The following ERI1 variants were observed in gnomAD, a reference collection of about 807,000 sequenced individuals.
ERI1 encodes exoribonuclease 1.
Under a neutral mutation model 39.7 loss-of-function variants are expected in ERI1, and 39 were observed. That is an observed-to-expected ratio of 0.98 (90% CI 0.76 to 1.28). The LOEUF (loss-of-function observed/expected upper bound fraction) is 1.28. ERI1 is among the 50% of genes most tolerant of loss of function. The pLI, the probability that ERI1 is intolerant of heterozygous loss-of-function variation, is 0.00. For synonymous variants in ERI1, 204 were observed against 149.6 expected (o/e 1.36, Z -2.65); for missense variants, 581 against 416.9 (o/e 1.39, Z -3.43).
rs116360076 is a variant in ERI1 at position 9,087,656 on chromosome 8, T to G, written n.300-28692T>G. Among the ~76,000 whole-genome samples, 994 of 152,290 alleles carry G rather than the reference T, an allele frequency of 6.5e-3. 12 individuals are homozygous for G. Among genetic ancestry groups the G allele is most frequent in the African/African-American group, 0.023 (945 of 41,548 alleles). On this transcript the variant is annotated intron_variant and non_coding_transcript_variant, in intron 3 of 3. Transcript: ENST00000518663. ...AATGCACACGCAGATACAGACATCTTAGTTTGGAGATGTAGCAACACATTT... is the reference window on the plus strand; with the variant it reads ...AATGCACACGCAGATACAGACATCTGAGTTTGGAGATGTAGCAACACATTT...
At chr8:9,081,464 T>C (rs1339031363) in intron 3 of ERI1, among the ~76,000 whole-genome samples, 1 of 152,174 alleles carries the variant, frequency 6.6e-6, no homozygotes, top group Admixed American at 6.5e-5. Flanking sequence ...TAAATTATTA[T>C]TTTTTTAAAG....
chr8:9,002,957 C>T lies in ERI1; in HGVS notation c.-107C>T, dbSNP rs1324593541. 15 of 823,888 alleles carry T rather than the reference C, an allele frequency of 1.8e-5. No individual in the cohort carries two copies. Among genetic ancestry groups the T allele is most frequent in the Non-Finnish European group, 2.3e-5 (14 of 613,874 alleles). The allele number at this position is 823,888 out of a possible 1,614,324, so 51.0% of individuals were successfully genotyped here. Reference sequence around the variant, plus strand: ...TTGTGTGGCCGCCGCCGCGGGAACGCGAGCCCGGTAATTTTTCAACGGAGA... The same window carrying T: ...TTGTGTGGCCGCCGCCGCGGGAACGTGAGCCCGGTAATTTTTCAACGGAGA... On this transcript the variant is annotated 5_prime_UTR_variant, in exon 1 of 7. Transcript: ENST00000250263.
At chr8:9,010,260 A>T (rs966198256) in intron 2 of ERI1, among the ~76,000 whole-genome samples, 1 of 152,044 alleles carries the variant, frequency 6.6e-6, no homozygotes, top group Non-Finnish European at 1.5e-5. Context: ...TTTGCAGACA[A>T]CTCTGGTAAA....
intron 3 of ERI1, among the ~76,000 whole-genome samples, chr8:9,099,086 C>T (rs1799970108): frequency 6.6e-6 from 1 of 152,116 alleles, no homozygotes; most frequent in Non-Finnish European, 1.5e-5. Flanking sequence ...CCACCTGCCT[C>T]AGCCTCTCAA....
chr8:9,013,027 T>TA (rs1816833908), intron 3 of ERI1, among the ~76,000 whole-genome samples: 1 of 151,686 alleles, frequency 6.6e-6, no homozygotes, highest in African/African-American at 2.4e-5. Flanking sequence ...CTCACTTTTT[T>TA]TTTTCTTTTT....
In ERI1 at chr8:9,023,738, A is replaced by G. The variant is rs1440733535; in HGVS notation, c.807+3274A>G. Among the ~76,000 whole-genome samples, 4 of 151,482 alleles carry G rather than the reference A, an allele frequency of 2.6e-5. No homozygotes were observed. The East Asian group carries it at 7.7e-4, about 29-fold the overall frequency. On this transcript the variant is annotated intron_variant, in intron 6 of 6. Transcript: ENST00000250263. The stretch of plus-strand genomic sequence containing the variant: ...ACAAGTTTCTGCTGTATATAATGCT[A>G]ATAAGGTATATTATATGGTATGTCT...
chr8:9,059,248 C>T (rs1798613095), intron 3 of ERI1, among the ~76,000 whole-genome samples: 1 of 152,056 alleles, frequency 6.6e-6, no homozygotes, highest in Non-Finnish European at 1.5e-5. Flanking sequence ...AGGAAGCGGC[C>T]ATCTGGATGT....
At chr8:9,043,548 G>A (rs1350712673) in intron 3 of ERI1, among the ~76,000 whole-genome samples, 1 of 152,228 alleles carries the variant, frequency 6.6e-6, no homozygotes, top group African/African-American at 2.4e-5. Flanking sequence ...ATAGGCAGAT[G>A]AGATGCAAAT....
intron 3 of ERI1, among the ~76,000 whole-genome samples, chr8:9,098,699 C>A (rs1799956981): frequency 1.3e-5 from 2 of 151,968 alleles, no homozygotes; most frequent in African/African-American, 4.8e-5. Flanking sequence ...CAAATACCAC[C>A]TGTTCCCCAA....
downstream of ERI1, among the ~76,000 whole-genome samples, chr8:9,037,927 T>C (rs887236277): frequency 2.6e-5 from 4 of 152,006 alleles, no homozygotes; most frequent in African/African-American, 9.7e-5. Context: ...CAAGTATCTT[T>C]GGCCTTGAAA....
chr8:9,085,882 C>G (rs566949908), intron 3 of ERI1, among the ~76,000 whole-genome samples: 1 of 152,102 alleles, frequency 6.6e-6, no homozygotes, highest in Non-Finnish European at 1.5e-5. Context: ...TTGTTAATGG[C>G]AGTCTCCATG....
downstream of ERI1, among the ~76,000 whole-genome samples, chr8:9,038,298 G>C (rs2117338193): frequency 6.6e-6 from 1 of 152,210 alleles, no homozygotes. Flanking sequence ...GCTTTCCATA[G>C]TTTCAGTTAC....
At chr8:9,047,926 C>G (rs1469556820) in intron 3 of ERI1, among the ~76,000 whole-genome samples, 1 of 152,242 alleles carries the variant, frequency 6.6e-6, no homozygotes, top group Admixed American at 6.5e-5. Context: ...TTGGCTTGAT[C>G]TCTTCAAACA....
intron 3 of ERI1, among the ~76,000 whole-genome samples, chr8:9,093,666 C>G (rs1340848849): frequency 6.6e-6 from 1 of 152,224 alleles, no homozygotes; most frequent in East Asian, 1.9e-4. Flanking sequence ...CTCCTGGGTT[C>G]TAGCAATTCT....
chr8:9,074,540 C>G (rs369475322), intron 3 of ERI1, among the ~76,000 whole-genome samples: 1 of 152,166 alleles, frequency 6.6e-6, no homozygotes, highest in Admixed American at 6.5e-5. Context: ...CTCCTGGGCT[C>G]AAGCAATTCT....
chr8:9,089,853 C>T (rs1446593376), intron 3 of ERI1, among the ~76,000 whole-genome samples: 2 of 152,070 alleles, frequency 1.3e-5, no homozygotes, highest in Non-Finnish European at 2.9e-5. Flanking sequence ...GGTTCAGGTG[C>T]ATTTTGCTGG....
intron 3 of ERI1, among the ~76,000 whole-genome samples, chr8:9,061,492 AG>A (rs1563364952): frequency 6.6e-6 from 1 of 152,224 alleles, no homozygotes; most frequent in Non-Finnish European, 1.5e-5. Flanking sequence ...GTGATTTTAA[AG>A]GTCTCTGAAA....
At chr8:9,035,625 T>A (rs1797818772), downstream of ERI1, among the ~76,000 whole-genome samples, 1 of 152,242 alleles carries the variant, frequency 6.6e-6, no homozygotes, top group African/African-American at 2.4e-5. Context: ...CCAGGAGTTC[T>A]GATGGAGTTG....
At chr8:9,019,246 T>A (rs1015839215) in intron 5 of ERI1, among the ~76,000 whole-genome samples, 1 of 152,220 alleles carries the variant, frequency 6.6e-6, no homozygotes. Context: ...AAGAACGTCC[T>A]AAACAACTTC....
Sources: gnomAD v4.1 joint callset for allele counts (sites outside exome capture counted in the v4.1 genomes callset) on GRCh38, gnomAD v4.1.1 for gene constraint, MANE v1.5 for transcripts, NCBI Gene and HGNC (gene_info 2026-07-23, HGNC 2026-07-21) for gene names.